The following TGFB2 variants were observed in gnomAD, a reference collection of about 807,000 sequenced individuals.
TGFB2 encodes transforming growth factor beta-2 proprotein.
A neutral mutation model predicts 42.7 loss-of-function variants in TGFB2; 13 were observed. The ratio of observed to expected loss-of-function variants is 0.30; its 90% CI spans 0.20 to 0.48. TGFB2 has a LOEUF of 0.48. TGFB2 is among the 20% of genes least tolerant of loss of function. The pLI is 0.99. For synonymous variants in TGFB2, 193 were observed against 193.6 expected (o/e 1.00, Z 0.03); for missense variants, 390 against 517.5 (o/e 0.75, Z 2.39).
intron 1 of TGFB2, among the ~76,000 whole-genome samples, chr1:218,365,390 C>T (rs1327343654): frequency 6.6e-6 from 1 of 152,202 alleles, no homozygotes; most frequent in Non-Finnish European, 1.5e-5. Context: ...TCTTCTCAGA[C>T]ACTCCTCACT....
intron 2 of TGFB2, among the ~76,000 whole-genome samples, chr1:218,409,556 G>A (rs556585231): frequency 1.3e-5 from 2 of 152,132 alleles, no homozygotes; most frequent in African/African-American, 4.8e-5. Flanking sequence ...TGATGCCGAT[G>A]GTAATAACCT....
At chr1:218,410,591 A>T (rs1659063080) in intron 2 of TGFB2, among the ~76,000 whole-genome samples, 1 of 152,236 alleles carries the variant, frequency 6.6e-6, no homozygotes, top group Non-Finnish European at 1.5e-5. Context: ...TATGAGAGGG[A>T]TAAAGTGTCT....
chr1:218,374,946 G>T (rs1031123403), intron 1 of TGFB2, among the ~76,000 whole-genome samples: 2 of 152,272 alleles, frequency 1.3e-5, no homozygotes, highest in Admixed American at 1.3e-4. Flanking sequence ...TTTAACACAT[G>T]CAGGCTTCAC....
intron 2 of TGFB2, among the ~76,000 whole-genome samples, chr1:218,410,999 T>C (rs1189145488): frequency 6.6e-6 from 1 of 152,122 alleles, no homozygotes; most frequent in Non-Finnish European, 1.5e-5. Context: ...TAATGACATA[T>C]CTAAGGGTAC....
At chr1:218,425,312 A>T (rs1201241233) in intron 2 of TGFB2, among the ~76,000 whole-genome samples, 1 of 152,050 alleles carries the variant, frequency 6.6e-6, no homozygotes, top group South Asian at 2.1e-4. Flanking sequence ...GGTTCACGCC[A>T]TTCTCCTGCC....
intron 2 of TGFB2, among the ~76,000 whole-genome samples, chr1:218,409,374 T>G (rs1412753592): frequency 6.6e-6 from 1 of 152,210 alleles, no homozygotes; most frequent in Non-Finnish European, 1.5e-5. Context: ...GTTAACCCAC[T>G]CTTTATCTCT....
intron 1 of TGFB2, among the ~76,000 whole-genome samples, chr1:218,395,570 A>G (rs1030457475): frequency 2.7e-5 from 4 of 148,838 alleles, no homozygotes; most frequent in African/African-American, 9.9e-5. Flanking sequence ...GCCCAAAGTT[A>G]TTTTACTTTC....
At chr1:218,365,423 A>C (rs1657354871) in intron 1 of TGFB2, among the ~76,000 whole-genome samples, 1 of 152,098 alleles carries the variant, frequency 6.6e-6, no homozygotes, top group African/African-American at 2.4e-5. Context: ...CGGTCACTTA[A>C]TTGCTGCGAG....
chr1:218,353,877 G>A (rs961256210), intron 1 of TGFB2, among the ~76,000 whole-genome samples: 1 of 152,286 alleles, frequency 6.6e-6, no homozygotes, highest in East Asian at 1.9e-4. Context: ...GCAACAGAGC[G>A]TGACCCTGTC....
chr1:218,363,838 A>G (rs1657297599), intron 1 of TGFB2, among the ~76,000 whole-genome samples: 1 of 152,136 alleles, frequency 6.6e-6, no homozygotes, highest in Non-Finnish European at 1.5e-5. Context: ...TGCTCAATTA[A>G]TGTTTCTTGT....
intron 1 of TGFB2, among the ~76,000 whole-genome samples, chr1:218,401,978 A>G (rs1658737048): frequency 6.6e-6 from 1 of 152,254 alleles, no homozygotes. Flanking sequence ...CCAGTTGCTC[A>G]TGTTCCTCAG....
At chr1:218,429,003 CAG>C (rs1195969335) in intron 2 of TGFB2, among the ~76,000 whole-genome samples, 1 of 112,128 alleles carries the variant, frequency 8.9e-6, no homozygotes, top group African/African-American at 3.5e-5. Flanking sequence ...TTTTCTGAGA[CAG>C]AGTCTTGCTC....
chr1:218,354,224 GGAA>G (rs1019445746), intron 1 of TGFB2, among the ~76,000 whole-genome samples: 2 of 152,184 alleles, frequency 1.3e-5, no homozygotes, highest in Non-Finnish European at 2.9e-5. Context: ...TTGAACTACA[GGAA>G]GAAGAAGAAT....
intron 1 of TGFB2, chr1:218,363,217 T>C (rs1473702105): frequency 9.2e-6 from 8 of 870,494 alleles, no homozygotes; most frequent in Non-Finnish European, 1.1e-5. Flanking sequence ...ACCTTATTTC[T>C]GGGGAAATGA....
chr1:218,438,142 C>T (rs930005729), intron 6 of TGFB2, among the ~76,000 whole-genome samples: 3 of 152,138 alleles, frequency 2.0e-5, no homozygotes, highest in Non-Finnish European at 4.4e-5. Flanking sequence ...ACCCTGTTCC[C>T]AGCCTCTGGT....
intron 1 of TGFB2, among the ~76,000 whole-genome samples, chr1:218,396,570 A>T (rs1227771343): frequency 1.3e-5 from 2 of 151,356 alleles, no homozygotes; most frequent in African/African-American, 4.9e-5. Context: ...CTAAATTTTT[A>T]GAAAATTATT....
At chr1:218,428,160 T>C (rs1247870136) in intron 2 of TGFB2, among the ~76,000 whole-genome samples, 1 of 152,238 alleles carries the variant, frequency 6.6e-6, no homozygotes, top group Non-Finnish European at 1.5e-5. Context: ...TCATATCCTT[T>C]GCCTACTTTT....
chr1:218,394,591 A>G (rs1368192076), intron 1 of TGFB2, among the ~76,000 whole-genome samples: 1 of 152,058 alleles, frequency 6.6e-6, no homozygotes, highest in African/African-American at 2.4e-5. Flanking sequence ...AATTAGACTC[A>G]CCATTGCCAA....
At chr1:218,349,559 G>T (rs933057840) in intron 1 of TGFB2, among the ~76,000 whole-genome samples, 22 of 152,094 alleles carry the variant, frequency 1.4e-4, no homozygotes, top group Admixed American at 1.4e-3. Flanking sequence ...AAGATCACTG[G>T]TTCATTTTTT....
Sources: gnomAD v4.1 joint callset for allele counts (sites outside exome capture counted in the v4.1 genomes callset) on GRCh38, gnomAD v4.1.1 for gene constraint, MANE v1.5 for transcripts, NCBI Gene and HGNC (gene_info 2026-07-23, HGNC 2026-07-21) for gene names.